The following ABCA8 variants were observed in gnomAD, a reference collection of about 807,000 sequenced individuals.
The protein encoded by ABCA8 is ABC-type organic anion transporter ABCA8.
In ABCA8, 177 loss-of-function variants were observed where a neutral mutation model predicts 192.3. That is an observed-to-expected ratio of 0.92 (90% CI 0.81 to 1.04). ABCA8 has a LOEUF of 1.04. ABCA8 is among the 50% of genes least tolerant of loss of function. The pLI, the probability that ABCA8 is intolerant of heterozygous loss-of-function variation, is 0.00. For missense variants in ABCA8, 1,915 were observed against 1,904.8 expected, an observed-to-expected ratio of 1.01 and a Z score of -0.10; for synonymous variants, 642 against 690.2, an observed-to-expected ratio of 0.93 and a Z score of 1.09.
chr17:68,887,905 TATCCA>T (rs2066515822), intron 24 of ABCA8, among the ~76,000 whole-genome samples: 2 of 56,610 alleles, frequency 3.5e-5, no homozygotes, highest in Non-Finnish European at 5.5e-5. Flanking sequence ...TATATATATA[TATCCA>T]TATATATATA....
intron 11 of ABCA8, among the ~76,000 whole-genome samples, chr17:68,923,622 A>C (rs1284266866): frequency 6.6e-6 from 1 of 152,248 alleles, no homozygotes; most frequent in Admixed American, 6.5e-5. Context: ...AAGCACCTCA[A>C]ATAAAGCCAC....
At position 68,939,139 on chromosome 17, in the gene ABCA8, C is replaced by T. The variant is rs1292161056; in HGVS notation, c.301+1619G>A. On this transcript the variant is annotated intron_variant, in intron 4 of 39. Transcript: ENST00000586539. ...TACCATGAGCATCTCAAATGAACAA[C>T]TTAAAACTTATACTCACTATAGCAC... is the stretch of plus-strand genomic sequence containing the variant. Among the ~76,000 whole-genome samples the T allele has an allele frequency of 2.0e-5, 3 of 152,126 alleles. No homozygotes were observed. In the East Asian group the frequency reaches 5.8e-4, roughly 29 times the overall value.
intron 32 of ABCA8, chr17:68,879,314 T>C (rs2066278361): frequency 6.6e-6 from 1 of 152,222 alleles, no homozygotes; most frequent in African/African-American, 2.4e-5. Context: ...TATTACATAC[T>C]GGAAAGACAA....
At chr17:68,932,596 A>ATG in intron 6 of ABCA8, 82 bp from the exon 7 acceptor site, 4 of 1,030,030 alleles carry the variant, frequency 3.9e-6, no homozygotes, top group Non-Finnish European at 5.9e-6. Context: ...TTTCTTGTGG[A>ATG]TGTATGATTG....
chr17:68,943,188 G>A (rs1036743074), intron 2 of ABCA8, among the ~76,000 whole-genome samples: 1 of 152,016 alleles, frequency 6.6e-6, no homozygotes, highest in African/African-American at 2.4e-5. Flanking sequence ...AATCACCATA[G>A]TTTGGCCTGG....
intron 29 of ABCA8, 81 bp downstream of exon 29, chr17:68,883,710 T>C: frequency 1.1e-6 from 1 of 915,488 alleles, no homozygotes; most frequent in Non-Finnish European, 1.7e-6. Flanking sequence ...CGGCACCTCT[T>C]TGTTAATGAA....
chr17:68,899,140 A>G (rs2066840517), intron 21 of ABCA8, among the ~76,000 whole-genome samples: 1 of 152,028 alleles, frequency 6.6e-6, no homozygotes, highest in South Asian at 2.1e-4. Context: ...GAAGATATTC[A>G]ATGCCAAAGA....
intron 29 of ABCA8, 59 bp downstream of exon 29, chr17:68,883,732 A>C (rs2066391506): frequency 8.8e-7 from 1 of 1,141,910 alleles, no homozygotes; most frequent in Non-Finnish European, 1.3e-6. Context: ...TGATTTATGC[A>C]TGAAAAATAT....
intron 7 of ABCA8, among the ~76,000 whole-genome samples, chr17:68,929,997 A>G (rs904676532): frequency 4.0e-5 from 6 of 151,842 alleles, no homozygotes; most frequent in African/African-American, 1.5e-4. Context: ...TGGGGGGGGA[A>G]TTAGGTTTCC....
Position 68,876,717 on chromosome 17 carries a change from G to T in ABCA8, c.4200-14C>A, listed in dbSNP as rs1370125225. 1 of 1,614,012 alleles carries T rather than the reference G, an allele frequency of 6.2e-7. No individual in the cohort carries two copies. The highest frequency in any genetic ancestry group is 1.3e-5 in the African/African-American group (1 of 74,922). On this transcript the variant is annotated splice_polypyrimidine_tract_variant and intron_variant, in intron 33 of 39. Coordinates refer to ENST00000586539, the MANE Select transcript of ABCA8 (RefSeq NM_001288985.2). ...GCATCCACTAACCTGAAGGAAACAG[G>T]AGAGTCGTACAGTCTTCTTGACAAG... is the stretch of plus-strand genomic sequence containing the variant.
intron 21 of ABCA8, among the ~76,000 whole-genome samples, chr17:68,898,060 T>C (rs1346984185): frequency 6.6e-6 from 1 of 152,062 alleles, no homozygotes; most frequent in African/African-American, 2.4e-5. Context: ...AGAGTAAAAA[T>C]GGTGAGGACA....
At chr17:68,909,822 ATTG>A (rs2067187245) in intron 17 of ABCA8, among the ~76,000 whole-genome samples, 1 of 152,142 alleles carries the variant, frequency 6.6e-6, no homozygotes, top group South Asian at 2.1e-4. Context: ...TTTTCTTTGT[ATTG>A]TTGTCATGAT....
Position 68,919,330 on chromosome 17 carries a change from C to T in ABCA8, c.1759G>A (p.Gly587Arg), listed in dbSNP as rs1316431499. Residue 587 changes from glycine (G) to arginine (R), a missense_variant, in exon 14 of 40, where the codon GGG becomes AGG. By Grantham distance (125) the Gly-to-Arg change is moderately radical. Transcript: ENST00000586539. ...TTATCCACTTCTTGTGGCAGAATCC[C>T]TTTTATTTTAGCAAAGAGTCTGAGG... ...ENLRLFAKIK[G>R]ILPQEVDKEI... is the part of the protein sequence containing the mutation. 6.2e-7 allele frequency: 1 copy of T among 1,612,362 alleles called. No individual in the cohort carries two copies. The highest frequency in any genetic ancestry group is 1.1e-5 in the South Asian group (1 of 90,598).
intron 11 of ABCA8, among the ~76,000 whole-genome samples, chr17:68,923,753 C>G: frequency 6.6e-6 from 1 of 152,170 alleles, no homozygotes; most frequent in East Asian, 1.9e-4. Flanking sequence ...CTTAGAAGTT[C>G]AGCAACCTGG....
rs202103262 is a variant in ABCA8 at position 68,892,936 on chromosome 17, G to A, written c.3036+1237C>T. On this transcript the variant is annotated intron_variant, in intron 23 of 39. Transcript: ENST00000586539. The stretch of plus-strand genomic sequence containing the variant: ...AACATCGGAAGATCTCTTGAGCCCA[G>A]GAGTTCGAGGTTACAGTGAGCTATG... 1.1e-4 allele frequency among the ~76,000 whole-genome samples: 16 copies of A among 152,222 alleles called. No individual in the cohort carries two copies. In the East Asian group the frequency reaches 3.1e-3, roughly 29 times the overall value.
chr17:68,932,056 A>C, intron 7 of ABCA8: 1 of 348,586 alleles, frequency 2.9e-6, no homozygotes, highest in Admixed American at 3.7e-5. Flanking sequence ...AGAAAATACA[A>C]AAAATTATCC....
intron 4 of ABCA8, among the ~76,000 whole-genome samples, chr17:68,937,652 T>G (rs1349338347): frequency 6.6e-6 from 1 of 152,174 alleles, no homozygotes; most frequent in Admixed American, 6.5e-5. Flanking sequence ...CACATGGATG[T>G]TTTATTAATA....
chr17:68,875,143 G>T (rs1436937294), intron 37 of ABCA8, 117 bp downstream of exon 37: 2 of 1,410,920 alleles, frequency 1.4e-6, no homozygotes, highest in South Asian at 1.4e-5. Flanking sequence ...ACTTCCTGCA[G>T]AATCCAACAA....
intron 2 of ABCA8, among the ~76,000 whole-genome samples, chr17:68,946,431 T>G (rs142609887): frequency 3.0e-4 from 45 of 152,180 alleles, no homozygotes; most frequent in African/African-American, 9.6e-4. Flanking sequence ...CACAATGACA[T>G]AAGATTGCTT....
Sources: allele counts gnomAD v4.1 joint callset (sites outside exome capture counted in the v4.1 genomes callset), GRCh38; gene constraint gnomAD v4.1.1; transcripts MANE v1.5; gene names NCBI Gene and HGNC (gene_info 2026-07-23, HGNC 2026-07-21).